Variants in TRIM36 observed in about 807,000 individuals in gnomAD.
TRIM36 encodes the protein E3 ubiquitin-protein ligase TRIM36.
In TRIM36, 42 loss-of-function variants were observed where a neutral mutation model predicts 72.4. The ratio of observed to expected loss-of-function variants is 0.58; its 90% CI spans 0.45 to 0.75. The LOEUF (loss-of-function observed/expected upper bound fraction) is 0.75. Among genes scored for constraint, TRIM36 ranks in the 30% least tolerant of loss-of-function variants. TRIM36 has a pLI of 0.00. For missense variants in TRIM36, 913 were observed against 857.1 expected (o/e 1.07, Z -0.81); for synonymous variants, 315 against 282.8 (o/e 1.11, Z -1.14).
rs757516282 is a variant in TRIM36 at position 115,169,551 on chromosome 5, G to T, written c.27+57C>A. On this transcript the variant is annotated intron_variant, in intron 1 of 9. Transcript: ENST00000513154. ...GGGCTCCCGGCGGAGGAAAGAGAAAGAGCCGCGGTCGGCACACCGCCCTCG... is the reference window on the plus strand; with the variant it reads ...GGGCTCCCGGCGGAGGAAAGAGAAATAGCCGCGGTCGGCACACCGCCCTCG... 3 of 1,483,946 alleles carry T rather than the reference G, an allele frequency of 2.0e-6. No individual in the cohort carries two copies. The Admixed American group carries it at 6.4e-5, about 32-fold the overall frequency. 91.9% of individuals were successfully genotyped at this position (1,483,946 alleles called of 1,614,324 possible).
chr5:115,158,946 T>G (rs1754332043), intron 2 of TRIM36, among the ~76,000 whole-genome samples: 1 of 152,170 alleles, frequency 6.6e-6, no homozygotes, highest in South Asian at 2.1e-4. Flanking sequence ...AAATTTCAGG[T>G]GTTAAGTATT....
At chr5:115,135,962 G>C (rs1561423105) in intron 7 of TRIM36, among the ~76,000 whole-genome samples, 1 of 151,976 alleles carries the variant, frequency 6.6e-6, no homozygotes, top group Non-Finnish European at 1.5e-5. Flanking sequence ...TATCTTTGTA[G>C]TGTTCACCAT....
At chr5:115,174,738 C>T (rs985575047), upstream of TRIM36, among the ~76,000 whole-genome samples, 2 of 152,166 alleles carry the variant, frequency 1.3e-5, no homozygotes, top group Admixed American at 1.3e-4. Context: ...AACACAAATA[C>T]CTAGTCTTTG....
At position 115,130,599 on chromosome 5, in the gene TRIM36, T is replaced by C. The variant is rs1235399831; in HGVS notation, c.1789A>G (p.Ser597Gly). Residue 597 changes from serine (S) to glycine (G), a missense_variant, in exon 9 of 10, where the codon AGT (serine) becomes GGT (glycine). By Grantham distance (56) the Ser-to-Gly change is moderately conservative. Transcript: ENST00000513154. Reference protein sequence around the residue: ...EWLRSPRDAVSPRYEQDSGHD... With the variant: ...EWLRSPRDAVGPRYEQDSGHD... ...ATCAATACAAAAACCTACCTTGGACTAACTGCATCCCGGGGAGAACGGAGC... is the reference window on the plus strand; with the variant it reads ...ATCAATACAAAAACCTACCTTGGACCAACTGCATCCCGGGGAGAACGGAGC... 1 of 1,613,512 alleles carries C rather than the reference T, an allele frequency of 6.2e-7. No individual in the cohort carries two copies. Among genetic ancestry groups the C allele is most frequent in the African/African-American group, 1.3e-5 (1 of 74,902 alleles).
chr5:115,133,393 T>TC (rs1752794476), intron 8 of TRIM36, among the ~76,000 whole-genome samples: 1 of 152,052 alleles, frequency 6.6e-6, no homozygotes, highest in Non-Finnish European at 1.5e-5. Context: ...ATGGCTTCCA[T>TC]CCCTATTATC....
upstream of TRIM36, among the ~76,000 whole-genome samples, chr5:115,171,711 C>T (rs1343790566): frequency 6.6e-6 from 1 of 152,186 alleles, no homozygotes; most frequent in Non-Finnish European, 1.5e-5. Flanking sequence ...TATGGCCTTC[C>T]ATTTTGCAAA....
In TRIM36 at chr5:115,136,177, T is replaced by C. The variant is rs558976377; in HGVS notation, c.1210+823A>G. On this transcript the variant is annotated intron_variant, in intron 7 of 9. Coordinates refer to ENST00000513154, the MANE Select transcript of TRIM36 (RefSeq NM_001300759.2). ...CTAACCCCCAGTACGTACCTCAGAA[T>C]GTGACTGTATTTTAAAATAGGGTCT... is the stretch of plus-strand genomic sequence containing the variant. 2.0e-5 allele frequency among the ~76,000 whole-genome samples: 3 copies of C among 148,396 alleles called. No individual in the cohort carries two copies. The East Asian group carries it at 6.1e-4, about 30-fold the overall frequency.
chr5:115,134,546 AT>A (rs11341793), intron 7 of TRIM36, among the ~76,000 whole-genome samples: 70,361 of 149,658 alleles, frequency 0.47, 18,539 homozygotes, highest in Middle Eastern at 0.61. Flanking sequence ...CTCTCAATGA[AT>A]TTTTTTTTTT....
intron 5 of TRIM36, among the ~76,000 whole-genome samples, chr5:115,138,734 G>C (rs1467560917): frequency 6.6e-6 from 1 of 152,136 alleles, no homozygotes; most frequent in Non-Finnish European, 1.5e-5. Context: ...CAGAGCTCAT[G>C]ATTTTGAGAA....
Position 115,138,751 on chromosome 5 carries a change from C to T in TRIM36, c.832-1135G>A, listed in dbSNP as rs1463802415. 2.0e-5 allele frequency among the ~76,000 whole-genome samples: 3 copies of T among 152,226 alleles called. No individual in the cohort carries two copies. In the East Asian group the frequency reaches 5.8e-4, roughly 29 times the overall value. ...GAGCTCATGATTTTGAGAAGACTGG[C>T]AAACACTCCTAAGCACTTATTATAA... On this transcript the variant is annotated intron_variant, in intron 5 of 9. Transcript: ENST00000513154.
chr5:115,139,568 A>G (rs1050038244), intron 5 of TRIM36, among the ~76,000 whole-genome samples: 32 of 152,196 alleles, frequency 2.1e-4, no homozygotes, highest in African/African-American at 7.2e-4. Flanking sequence ...AAAGAGAAGG[A>G]GCAGAAGGTA....
At chr5:115,142,398 A>G (rs1753326400) in intron 4 of TRIM36, among the ~76,000 whole-genome samples, 2 of 152,204 alleles carry the variant, frequency 1.3e-5, no homozygotes, top group African/African-American at 4.8e-5. Flanking sequence ...GGTAGCAATA[A>G]GATACATTTG....
At position 115,134,031 on chromosome 5, in the gene TRIM36, T is replaced by C. The variant is rs771742841; in HGVS notation, c.1327A>G (p.Ile443Val). The C allele has an allele frequency of 1.4e-5, 23 of 1,613,954 alleles. No individual in the cohort carries two copies. The highest frequency in any genetic ancestry group is 1.9e-5 in the Non-Finnish European group (23 of 1,179,942). Residue 443 changes from isoleucine to valine, a missense_variant, in exon 8 of 10, where the codon ATC becomes GTC. Ile to Val is a conservative substitution (Grantham distance 29). Coordinates refer to ENST00000513154, the MANE Select transcript of TRIM36 (RefSeq NM_001300759.2). Reference protein sequence around the residue: ...ADSYVLEYRKINRDDEMSWNE... With the variant: ...ADSYVLEYRKVNRDDEMSWNE... ...CATGACATTTCATCATCTCTATTGA[T>C]TTTCCGATATTCAAGAACATAGCTA... is the stretch of plus-strand genomic sequence containing the variant.
Position 115,154,089 on chromosome 5 carries a change from CA to C in TRIM36, c.263-6696del, listed in dbSNP as rs35902682. Among the ~76,000 whole-genome samples the C allele has an allele frequency of 8.8e-3, 1,312 of 148,674 alleles. 18 individuals carry two copies. The highest frequency in any genetic ancestry group is 0.031 in the African/African-American group (1,242 of 40,666). On this transcript the variant is annotated intron_variant, in intron 2 of 9. Coordinates refer to ENST00000513154, the MANE Select transcript of TRIM36 (RefSeq NM_001300759.2). ...ACCTGCTCCTGAATGAGCACAGGGTCAAAAAAAAAATGAAATTAAGATGAAA... is the reference window on the plus strand; with the variant it reads ...ACCTGCTCCTGAATGAGCACAGGGTCAAAAAAAAATGAAATTAAGATGAAA...
At position 115,169,889 on chromosome 5, in the gene TRIM36, C is replaced by T. The variant is rs984641163; in HGVS notation, c.-255G>A. ...AATCCCGCCCAGCTGCCGGCTGCAG[C>T]AGCGGCTCCTGCGGACTGCGGCTGG... On this transcript the variant is annotated 5_prime_UTR_variant, in exon 1 of 10. Transcript: ENST00000513154. 9 of 1,302,968 alleles carry T rather than the reference C, an allele frequency of 6.9e-6. No individual in the cohort carries two copies. In the African/African-American group the frequency reaches 1.1e-4, roughly 16 times the overall value. The allele number at this position is 1,302,968 out of a possible 1,614,324, so 80.7% of individuals were successfully genotyped here. A position where few individuals can be genotyped will look rare whatever the true frequency, so the allele number is the denominator to read the frequency against.
chr5:115,131,818 T>C (rs986852243), intron 8 of TRIM36, among the ~76,000 whole-genome samples: 1 of 152,182 alleles, frequency 6.6e-6, no homozygotes, highest in African/African-American at 2.4e-5. Flanking sequence ...ATGAGATACC[T>C]AGAATAGGCA....
intron 2 of TRIM36, chr5:115,159,775 C>A: frequency 2.5e-6 from 1 of 407,618 alleles, no homozygotes. Context: ...GAAAATAATA[C>A]AATTATTGAA....
chr5:115,141,128 T>C (rs1753255257), intron 5 of TRIM36, 151 bp downstream of exon 5: 4 of 570,418 alleles, frequency 7.0e-6, no homozygotes, highest in Non-Finnish European at 1.2e-5. Context: ...TTTTTACATT[T>C]GTTTCCATAG....
chr5:115,145,030 AC>A, intron 3 of TRIM36, among the ~76,000 whole-genome samples: 1 of 152,168 alleles, frequency 6.6e-6, no homozygotes, highest in East Asian at 1.9e-4. Context: ...TTTCTCCAAA[AC>A]TTGTTAAGTT....
Sources: gnomAD v4.1 joint callset for allele counts (sites outside exome capture counted in the v4.1 genomes callset) on GRCh38, gnomAD v4.1.1 for gene constraint, MANE v1.5 for transcripts, NCBI Gene and HGNC (gene_info 2026-07-23, HGNC 2026-07-21) for gene names.